The following ROR1 variants were observed in gnomAD, a reference collection of about 807,000 sequenced individuals.
ROR1 encodes the protein ROR family WNT receptor 1, also known as inactive tyrosine-protein kinase transmembrane receptor ROR1.
In ROR1, 19 loss-of-function variants were observed where a neutral mutation model predicts 78.8. That is an observed-to-expected ratio of 0.24 (90% CI 0.17 to 0.35). ROR1 has a LOEUF of 0.35. Ranked by LOEUF, ROR1 falls within the 10% of genes least tolerant of loss-of-function variation. The pLI is 1.00. For missense variants in ROR1, 917 were observed against 1,177.8 expected, an observed-to-expected ratio of 0.78 and a Z score of 3.24; for synonymous variants, 386 against 433.6, an observed-to-expected ratio of 0.89 and a Z score of 1.36.
At chr1:64,148,101 A>G (rs1374289607) in intron 7 of ROR1, among the ~76,000 whole-genome samples, 2 of 152,262 alleles carry the variant, frequency 1.3e-5, no homozygotes, top group Non-Finnish European at 2.9e-5. Flanking sequence ...ATTATCATTT[A>G]TTGTATGCTT....
At chr1:64,159,800 C>T (rs1358369654) in intron 8 of ROR1, among the ~76,000 whole-genome samples, 1 of 152,124 alleles carries the variant, frequency 6.6e-6, no homozygotes, top group Non-Finnish European at 1.5e-5. Flanking sequence ...TGATAACCAA[C>T]CTTAGCCTTC....
At chr1:63,796,665 C>T (rs1398865003) in intron 1 of ROR1, among the ~76,000 whole-genome samples, 1 of 152,192 alleles carries the variant, frequency 6.6e-6, no homozygotes, top group Non-Finnish European at 1.5e-5. Flanking sequence ...GAAACAGGCA[C>T]AAGCAGTCGT....
At chr1:63,973,643 C>T (rs2100500059) in intron 1 of ROR1, among the ~76,000 whole-genome samples, 1 of 152,140 alleles carries the variant, frequency 6.6e-6, no homozygotes, top group Middle Eastern at 3.4e-3. Context: ...GCTCAAAATA[C>T]AATTTTAGGG....
intron 1 of ROR1, among the ~76,000 whole-genome samples, chr1:64,008,393 T>G (rs1437491281): frequency 6.6e-6 from 1 of 152,228 alleles, no homozygotes; most frequent in East Asian, 1.9e-4. Flanking sequence ...ATTCCATGTC[T>G]TCGCTATTAT....
intron 4 of ROR1, among the ~76,000 whole-genome samples, chr1:64,109,976 C>T (rs1648019710): frequency 6.6e-6 from 1 of 152,146 alleles, no homozygotes; most frequent in Non-Finnish European, 1.5e-5. Context: ...TTAGACATCA[C>T]TTCCTCTAGG....
intron 1 of ROR1, among the ~76,000 whole-genome samples, chr1:63,924,166 T>TC: frequency 1.3e-5 from 2 of 152,148 alleles, no homozygotes; most frequent in Middle Eastern, 6.8e-3. Context: ...CCACATTCTC[T>TC]CCCCCAGTGA....
chr1:63,814,270 A>G (rs924813120), intron 1 of ROR1, among the ~76,000 whole-genome samples: 2 of 152,174 alleles, frequency 1.3e-5, no homozygotes, highest in African/African-American at 4.8e-5. Context: ...CAACTCCTTA[A>G]AACAGCTTCC....
At chr1:64,128,216 A>C (rs1187952606) in intron 4 of ROR1, among the ~76,000 whole-genome samples, 2 of 148,946 alleles carry the variant, frequency 1.3e-5, no homozygotes, top group African/African-American at 4.9e-5. Context: ...GCACTTAGGG[A>C]GATCAAGGTG....
intron 1 of ROR1, among the ~76,000 whole-genome samples, chr1:63,783,171 T>C (rs1344311213): frequency 6.6e-6 from 1 of 151,994 alleles, no homozygotes; most frequent in South Asian, 2.1e-4. Context: ...AAAGACAGCG[T>C]TGAATGAAGC....
chr1:63,800,025 G>A (rs774110003), intron 1 of ROR1, among the ~76,000 whole-genome samples: 26 of 152,192 alleles, frequency 1.7e-4, no homozygotes, highest in Non-Finnish European at 3.4e-4. Flanking sequence ...ATTTCCCCTA[G>A]TAACGAAGGC....
intron 1 of ROR1, among the ~76,000 whole-genome samples, chr1:63,896,884 T>C (rs1645444311): frequency 6.6e-6 from 1 of 152,206 alleles, no homozygotes; most frequent in African/African-American, 2.4e-5. Flanking sequence ...TGACTCTCTA[T>C]TAATTATTAG....
chr1:63,959,972 G>A lies in ROR1; in HGVS notation c.92-49333G>A, dbSNP rs183879134. Among the ~76,000 whole-genome samples, 726 of 152,210 alleles carry A rather than the reference G, an allele frequency of 4.8e-3. 10 individuals carry two copies. Among genetic ancestry groups the A allele is most frequent in the African/African-American group, 0.017 (692 of 41,538 alleles). On this transcript the variant is annotated intron_variant, in intron 1 of 8. Transcript: ENST00000371079. ...ACCCATTTTGAGCATCACCTCCCAC[G>A]AGAAGGCCTCTCTAATCCCTTAGCA...
intron 1 of ROR1, among the ~76,000 whole-genome samples, chr1:63,812,187 C>T (rs540211907): frequency 2.1e-4 from 32 of 152,274 alleles, no homozygotes; most frequent in Non-Finnish European, 3.7e-4. Context: ...GTCTCGAACT[C>T]CTGACCTAGT....
At chr1:64,042,796 C>T (rs889838728) in intron 2 of ROR1, among the ~76,000 whole-genome samples, 2 of 152,150 alleles carry the variant, frequency 1.3e-5, no homozygotes, top group South Asian at 2.1e-4. Flanking sequence ...AAATATTTCC[C>T]GAGATAGTGA....
chr1:64,021,895 A>G (rs1029388521), intron 2 of ROR1, among the ~76,000 whole-genome samples: 2 of 152,216 alleles, frequency 1.3e-5, no homozygotes, highest in African/African-American at 4.8e-5. Context: ...AAACTCATAT[A>G]TACCCCCAAA....
At chr1:63,826,173 A>T (rs1644951857) in intron 1 of ROR1, among the ~76,000 whole-genome samples, 1 of 152,098 alleles carries the variant, frequency 6.6e-6, no homozygotes, top group African/African-American at 2.4e-5. Context: ...GGTTTGTTGT[A>T]CAGATTATTT....
chr1:63,875,238 G>C (rs1440378476), intron 1 of ROR1, among the ~76,000 whole-genome samples: 1 of 152,160 alleles, frequency 6.6e-6, no homozygotes, highest in East Asian at 1.9e-4. Context: ...AGTTTGTGCT[G>C]AGTGCCTACA....
At chr1:64,156,503 T>A (rs974440925) in intron 7 of ROR1, among the ~76,000 whole-genome samples, 11 of 152,058 alleles carry the variant, frequency 7.2e-5, no homozygotes, top group Non-Finnish European at 1.3e-4. Flanking sequence ...GGTCAAGAGA[T>A]CGAGACCATC....
chr1:64,122,626 A>G (rs537998437), intron 4 of ROR1, among the ~76,000 whole-genome samples: 14 of 152,270 alleles, frequency 9.2e-5, no homozygotes, highest in African/African-American at 1.7e-4. Context: ...GCTGACCCCC[A>G]TATGCTAGGA....
Sources: allele counts gnomAD v4.1 joint callset (sites outside exome capture counted in the v4.1 genomes callset), GRCh38; gene constraint gnomAD v4.1.1; transcripts MANE v1.5; gene names NCBI Gene and HGNC (gene_info 2026-07-23, HGNC 2026-07-21).